The following PRR11 variants were observed in gnomAD, a reference collection of about 807,000 sequenced individuals.
The protein encoded by PRR11 is proline rich 11.
Under a neutral mutation model 45.6 loss-of-function variants are expected in PRR11, and 30 were observed. The ratio of observed to expected loss-of-function variants is 0.66; its 90% CI spans 0.49 to 0.89. PRR11 has a LOEUF of 0.89. Ranked by LOEUF, PRR11 falls within the 40% of genes least tolerant of loss-of-function variation. The pLI, the probability that PRR11 is intolerant of heterozygous loss-of-function variation, is 0.00. For missense variants in PRR11, 373 were observed against 424.8 expected, an observed-to-expected ratio of 0.88 and a Z score of 1.07; for synonymous variants, 128 against 153.5, an observed-to-expected ratio of 0.83 and a Z score of 1.23.
intron 2 of PRR11, among the ~76,000 whole-genome samples, chr17:59,180,534 G>A (rs1434212027): frequency 1.5e-5 from 1 of 66,632 alleles, no homozygotes; most frequent in African/African-American, 8.9e-5. Context: ...TTTTGCCACA[G>A]GGTCTCAGTC....
At chr17:59,158,856 G>C (rs984966567) in intron 1 of PRR11, among the ~76,000 whole-genome samples, 1 of 152,154 alleles carries the variant, frequency 6.6e-6, no homozygotes, top group African/African-American at 2.4e-5. Flanking sequence ...CCACACCCAG[G>C]TGTGGTGTGC....
At position 59,174,873 on chromosome 17, in the gene PRR11, C is replaced by T. The variant is rs187982140; in HGVS notation, c.128+4993C>T. The T allele has an allele frequency of 7.4e-4, 893 of 1,199,652 alleles. 2 individuals carry two copies. The African/African-American group carries it at 0.012, about 16-fold the overall frequency. The allele number at this position is 1,199,652 out of a possible 1,614,324, so 74.3% of individuals were successfully genotyped here. On this transcript the variant is annotated intron_variant, in intron 2 of 9. Transcript: ENST00000262293. ...AACGCCCCTTAAGAAGATGGGGACT[C>T]CCCAGGATACCCCTCCCTCCCCTTG...
At chr17:59,185,766 G>A (rs983808396) in intron 4 of PRR11, among the ~76,000 whole-genome samples, 1 of 152,208 alleles carries the variant, frequency 6.6e-6, no homozygotes. Context: ...GGGATAATCT[G>A]ATCAGATAGC....
At chr17:59,185,395 A>T (rs1161249936) in intron 3 of PRR11, 45 bp from the exon 4 acceptor site, 11 of 1,571,548 alleles carry the variant, frequency 7.0e-6, no homozygotes, top group East Asian at 6.7e-5. Context: ...TCTTGTCCTT[A>T]TCATATTACT....
chr17:59,195,458 A>G lies in PRR11; in HGVS notation c.857+15A>G. 6.7e-7 allele frequency: 1 copy of G among 1,484,616 alleles called. No homozygotes were observed. The highest frequency in any genetic ancestry group is 9.4e-7 in the Non-Finnish European group (1 of 1,063,336). 92.0% of individuals were successfully genotyped at this position (1,484,616 alleles called of 1,614,324 possible). On this transcript the variant is annotated intron_variant, in intron 7 of 9. Coordinates refer to ENST00000262293, the MANE Select transcript of PRR11 (RefSeq NM_018304.4). ...AACGTCTTAATGTAAGGAACTGCAC[A>G]GTACTATGCTCTACTACTACTTAAA...
At chr17:59,189,603 G>A (rs1004869671) in intron 4 of PRR11, among the ~76,000 whole-genome samples, 1 of 151,842 alleles carries the variant, frequency 6.6e-6, no homozygotes, top group Non-Finnish European at 1.5e-5. Context: ...CAAAGTGCTG[G>A]GATTCTAGAC....
Position 59,193,579 on chromosome 17 carries a change from A to G in PRR11, c.490A>G (p.Ile164Val). The change falls in exon 5 of 10, where the codon ATC becomes GTC. Residue 164 changes from isoleucine (I) to valine (V), a missense_variant. Physicochemically the swap from Ile to Val is conservative, Grantham distance 29. Transcript: ENST00000262293. The stretch of plus-strand genomic sequence containing the variant: ...TACAAATGTGCCTGCCTGCGTTCTG[A>G]TCACCCCTGGAGACTCCAAAGCTGT... ...KLTNVPACVL[I>V]TPGDSKAVLP... is the part of the protein sequence containing the mutation. 3.1e-6 allele frequency: 5 copies of G among 1,614,028 alleles called. No homozygotes were observed. The highest frequency in any genetic ancestry group is 4.2e-6 in the Non-Finnish European group (5 of 1,180,006).
At chr17:59,173,329 G>A (rs2046721219) in intron 2 of PRR11, among the ~76,000 whole-genome samples, 2 of 152,208 alleles carry the variant, frequency 1.3e-5, no homozygotes, top group South Asian at 4.1e-4. Flanking sequence ...GCCCAAGCCA[G>A]TAGTGGCAAC....
At chr17:59,168,500 CTT>C (rs1439622990) in intron 1 of PRR11, among the ~76,000 whole-genome samples, 1 of 151,612 alleles carries the variant, frequency 6.6e-6, no homozygotes, top group Non-Finnish European at 1.5e-5. Context: ...TAAAATAACT[CTT>C]TTAAGGCCCA....
intron 1 of PRR11, among the ~76,000 whole-genome samples, chr17:59,166,892 G>A (rs566695967): frequency 6.6e-6 from 1 of 152,046 alleles, no homozygotes; most frequent in South Asian, 2.1e-4. Context: ...GACCGGGCGC[G>A]GTGGCTTATG....
At chr17:59,177,332 G>T (rs2046753417) in intron 2 of PRR11, 1 of 539,698 alleles carries the variant, frequency 1.9e-6, no homozygotes, top group Non-Finnish European at 3.8e-6. Context: ...TGGAATGGGG[G>T]TCTAGGGAGG....
rs1460726779 is a variant in PRR11 at position 59,202,250 on chromosome 17, T to C, written c.*619T>C. ...AATTTAACTAGATAACTCTAGTTTG[T>C]ACTGTATAGGTGCAGTTATGACAGT... On this transcript the variant is annotated 3_prime_UTR_variant, in exon 10 of 10. Coordinates refer to ENST00000262293, the MANE Select transcript of PRR11 (RefSeq NM_018304.4). 6.5e-6 allele frequency: 1 copy of C among 153,264 alleles called. No homozygotes were observed. The highest frequency in any genetic ancestry group is 1.5e-5 in the Non-Finnish European group (1 of 68,798). 9.5% of individuals were successfully genotyped at this position (153,264 alleles called of 1,614,324 possible). A position where few individuals can be genotyped will look rare whatever the true frequency, so the allele number is the denominator to read the frequency against.
chr17:59,188,901 C>T (rs894683247), intron 4 of PRR11, among the ~76,000 whole-genome samples: 8 of 151,376 alleles, frequency 5.3e-5, no homozygotes, highest in Non-Finnish European at 8.8e-5. Context: ...GATCGCGCCA[C>T]AGCACTCCAG....
chr17:59,194,812 C>T lies in PRR11; in HGVS notation c.701C>T (p.Thr234Ile). 1 of 1,613,640 alleles carries T rather than the reference C, an allele frequency of 6.2e-7. No homozygotes were observed. ...CAGATAACAGTTAAAGATCTGCTGACTGTAAAATTAAAGAAGACACAGAGT... is the reference window on the plus strand; with the variant it reads ...CAGATAACAGTTAAAGATCTGCTGATTGTAAAATTAAAGAAGACACAGAGT... ...PMQITVKDLL[T>I]VKLKKTQSLD... Residue 234 changes from threonine (T) to isoleucine (I), a missense_variant, in exon 6 of 10, where the codon ACT becomes ATT. Transcript: ENST00000262293.
chr17:59,176,684 CTTTTTTT>C (rs71367676), intron 2 of PRR11, among the ~76,000 whole-genome samples: 5 of 39,000 alleles, frequency 1.3e-4, no homozygotes, highest in Non-Finnish European at 2.3e-4. Flanking sequence ...GTTTTTTTGG[CTTTTTTT>C]TTTTTTTTTT....
rs551274798 is a variant in PRR11 at position 59,196,254 on chromosome 17, A to G, written c.857+811A>G. 5.3e-5 allele frequency among the ~76,000 whole-genome samples: 8 copies of G among 152,314 alleles called. No individual in the cohort carries two copies. The South Asian group carries it at 1.2e-3, about 24-fold the overall frequency. On this transcript the variant is annotated intron_variant, in intron 7 of 9. Coordinates refer to ENST00000262293, the MANE Select transcript of PRR11 (RefSeq NM_018304.4). ...CATGATATACTGAATGGGAAAAACT[A>G]TATCTACAATATGATTATACACAGA...
rs1326579616 is a variant in PRR11, at chr17:59,204,593, C to G, written c.*2962C>G. 1 of 151,664 alleles carries G rather than the reference C, an allele frequency of 6.6e-6. No individual in the cohort carries two copies. The highest frequency in any genetic ancestry group is 1.5e-5 in the Non-Finnish European group (1 of 68,094). 9.4% of individuals were successfully genotyped at this position (151,664 alleles called of 1,614,324 possible). Reference sequence around the variant, plus strand: ...TGGTGGCATGTGCCTATAGCCCCAGCTACTCAGGAAGCTAAAGCACGAGAA... The same window carrying G: ...TGGTGGCATGTGCCTATAGCCCCAGGTACTCAGGAAGCTAAAGCACGAGAA... On this transcript the variant is annotated 3_prime_UTR_variant, in exon 10 of 10. Coordinates refer to ENST00000262293, the MANE Select transcript of PRR11 (RefSeq NM_018304.4).
At chr17:59,193,376 G>GC in intron 4 of PRR11, 116 bp from the exon 5 acceptor site, 1 of 1,254,444 alleles carries the variant, frequency 8.0e-7, no homozygotes, top group Non-Finnish European at 1.1e-6. Context: ...ATATCAGGAA[G>GC]CACATGGTAC....
chr17:59,194,265 C>CCA (rs1277044945), intron 5 of PRR11, among the ~76,000 whole-genome samples: 10 of 90,440 alleles, frequency 1.1e-4, no homozygotes, highest in East Asian at 5.9e-4. Flanking sequence ...TCTTCCCAAT[C>CCA]CTCACACACA....
Sources: allele counts gnomAD v4.1 joint callset (sites outside exome capture counted in the v4.1 genomes callset), GRCh38; gene constraint gnomAD v4.1.1; transcripts MANE v1.5; gene names NCBI Gene and HGNC (gene_info 2026-07-23, HGNC 2026-07-21).